FTCDNL1: variants seen among roughly 807,000 people sequenced by gnomAD.
FTCDNL1 encodes formiminotransferase cyclodeaminase N-terminal like.
Under a neutral mutation model 5.9 loss-of-function variants are expected in FTCDNL1, and 11 were observed. The observed-to-expected ratio is 1.87, with a 90% CI of 1.18 to 3.10. FTCDNL1 has a LOEUF of 3.10. Ranked by LOEUF, FTCDNL1 falls within the 30% of genes most tolerant of loss-of-function variation. FTCDNL1 has a pLI of 0.00. For synonymous variants in FTCDNL1, 58 were observed against 24.8 expected, an observed-to-expected ratio of 2.34 and a Z score of -3.99; for missense variants, 115 against 65.5, an observed-to-expected ratio of 1.76 and a Z score of -2.61.
chr2:199,704,309 G>A, the FTCDNL1 span, among the ~76,000 whole-genome samples: 2 of 152,140 alleles, frequency 1.3e-5, no homozygotes, highest in Non-Finnish European at 2.9e-5. Context: ...ATTACTGTAA[G>A]TTAAAAAGAC....
chr2:199,759,064 AATGTACATTTCTAC>A (rs1574428591), downstream of FTCDNL1, among the ~76,000 whole-genome samples: 1 of 152,230 alleles, frequency 6.6e-6, no homozygotes, highest in East Asian at 1.9e-4. Context: ...TACATTTCTA[AATGTACATTTCTAC>A]ATGTAAATCT....
chr2:199,742,978 G>A, the FTCDNL1 span, among the ~76,000 whole-genome samples: 1 of 152,272 alleles, frequency 6.6e-6, no homozygotes, highest in South Asian at 2.1e-4. Flanking sequence ...AAAGAAGACT[G>A]GAAATGTTAT....
intron 3 of FTCDNL1, among the ~76,000 whole-genome samples, chr2:199,773,648 G>C (rs1014828694): frequency 3.3e-5 from 5 of 152,164 alleles, no homozygotes; most frequent in Admixed American, 2.6e-4. Flanking sequence ...AGGGACACCT[G>C]CACTTAGCCT....
At chr2:199,838,529 G>C (rs1269657963) in intron 3 of FTCDNL1, among the ~76,000 whole-genome samples, 1 of 152,204 alleles carries the variant, frequency 6.6e-6, no homozygotes, top group South Asian at 2.1e-4. Flanking sequence ...GAGAAAATGT[G>C]TGAGGGGGAT....
the FTCDNL1 span, among the ~76,000 whole-genome samples, chr2:199,668,267 A>G: frequency 6.6e-6 from 1 of 152,230 alleles, no homozygotes; most frequent in Admixed American, 6.5e-5. Flanking sequence ...TTAAAAATTG[A>G]TGAGTCTGAA....
In FTCDNL1 at chr2:199,773,646, C is replaced by T. The variant is rs182450851; in HGVS notation, c.212-12811G>A. On this transcript the variant is annotated intron_variant, in intron 3 of 3. Coordinates refer to the FTCDNL1 transcript ENST00000416668. ...GGACTGTGACTCTTTAGAGGGACAC[C>T]TGCACTTAGCCTCCTTGATTTCTTT... Among the ~76,000 whole-genome samples the T allele has an allele frequency of 6.7e-3, 1,023 of 152,320 alleles. 10 individuals carry two copies. The highest frequency in any genetic ancestry group is 8.7e-3 in the Non-Finnish European group (591 of 68,026).
At chr2:199,830,112 A>G (rs997941253) in intron 3 of FTCDNL1, among the ~76,000 whole-genome samples, 2 of 151,920 alleles carry the variant, frequency 1.3e-5, no homozygotes, top group African/African-American at 4.8e-5. Context: ...AGCATCCTCT[A>G]GTTTTAGTAT....
chr2:199,738,152 AG>A, the FTCDNL1 span, among the ~76,000 whole-genome samples: 2 of 152,208 alleles, frequency 1.3e-5, no homozygotes, highest in Non-Finnish European at 2.9e-5. Context: ...AGAGCCTAAA[AG>A]TTTCTCGATA....
At chr2:199,725,834 G>C in the FTCDNL1 span, among the ~76,000 whole-genome samples, 2 of 152,014 alleles carry the variant, frequency 1.3e-5, no homozygotes, top group Non-Finnish European at 2.9e-5. Flanking sequence ...CCTTCATTCT[G>C]ACCTTGGAAA....
chr2:199,752,760 GTGTGTGTGTGTGTGTGTGTGTA>G, the FTCDNL1 span, among the ~76,000 whole-genome samples: 54 of 148,444 alleles, frequency 3.6e-4, no homozygotes, highest in African/African-American at 8.3e-4. Flanking sequence ...GTGTGTGTGT[GTGTGTGTGTGTGTGTGTGTGTA>G]TGTGTGTGTG....
chr2:199,705,389 T>C, the FTCDNL1 span, among the ~76,000 whole-genome samples: 33 of 152,342 alleles, frequency 2.2e-4, no homozygotes, highest in African/African-American at 7.7e-4. Context: ...TTGTAAATTA[T>C]ATTTTTCTTC....
the FTCDNL1 span, among the ~76,000 whole-genome samples, chr2:199,680,207 G>GT: frequency 6.6e-6 from 1 of 152,190 alleles, no homozygotes; most frequent in Non-Finnish European, 1.5e-5. Flanking sequence ...TAATGAAAAT[G>GT]ACCAGGAGAT....
chr2:199,694,900 G>T, the FTCDNL1 span, among the ~76,000 whole-genome samples: 10 of 152,222 alleles, frequency 6.6e-5, no homozygotes, highest in Non-Finnish European at 7.4e-5. Flanking sequence ...TCTCAGTAAG[G>T]TCTACAGCCA....
At position 199,846,173 on chromosome 2, in the gene FTCDNL1, G is replaced by A. The variant is rs569487409; in HGVS notation, c.116-3C>T. On this transcript the variant is annotated splice_region_variant and splice_polypyrimidine_tract_variant and intron_variant, in intron 2 of 4. Coordinates refer to ENST00000420128, the MANE Select transcript of FTCDNL1 (RefSeq NM_001363886.2). ...TGAAACTTGAGGATGTTTCTTTCCT[G>A]TAAAAAAAACAAGACAGAAGTGCAA... The A allele has an allele frequency of 1.6e-3, 1,077 of 686,484 alleles. 17 individuals carry two copies. In the South Asian group the frequency reaches 0.016, roughly 10 times the overall value. The allele number at this position is 686,484 out of a possible 1,614,324, so 42.5% of individuals were successfully genotyped here. A position where few individuals can be genotyped will look rare whatever the true frequency, so the allele number is the denominator to read the frequency against.
chr2:199,847,407 C>A (rs1298239908), intron 2 of FTCDNL1, among the ~76,000 whole-genome samples: 1 of 152,148 alleles, frequency 6.6e-6, no homozygotes, highest in Non-Finnish European at 1.5e-5. Context: ...TACTCTAACT[C>A]CTGGAAGAAA....
At chr2:199,764,313 G>T (rs573883874) in intron 3 of FTCDNL1, among the ~76,000 whole-genome samples, 4 of 152,028 alleles carry the variant, frequency 2.6e-5, no homozygotes, top group Non-Finnish European at 4.4e-5. Flanking sequence ...CCATTCTGCC[G>T]ATGAAAAAAA....
chr2:199,798,735 A>G (rs1217806052), intron 3 of FTCDNL1, among the ~76,000 whole-genome samples: 1 of 152,168 alleles, frequency 6.6e-6, no homozygotes, highest in Non-Finnish European at 1.5e-5. Context: ...ACAAGACAAC[A>G]ATGAGCAGGA....
intron 3 of FTCDNL1, among the ~76,000 whole-genome samples, chr2:199,836,311 C>T (rs540685652): frequency 9.9e-5 from 15 of 152,104 alleles, no homozygotes; most frequent in South Asian, 6.2e-4. Context: ...ACTACAGGCA[C>T]GCACTACCAC....
At chr2:199,697,063 G>C in the FTCDNL1 span, among the ~76,000 whole-genome samples, 2 of 152,158 alleles carry the variant, frequency 1.3e-5, no homozygotes, top group Non-Finnish European at 2.9e-5. Flanking sequence ...ATGAGGCCAA[G>C]AGATCGAGAC....
Sources: allele counts gnomAD v4.1 joint callset (sites outside exome capture counted in the v4.1 genomes callset), GRCh38; gene constraint gnomAD v4.1.1; transcripts MANE v1.5; gene names NCBI Gene and HGNC (gene_info 2026-07-23, HGNC 2026-07-21).